Variants in MYLK observed in about 807,000 individuals in gnomAD.
MYLK encodes myosin light chain kinase, also known as myosin light chain kinase, smooth muscle.
In MYLK, 106 loss-of-function variants were observed where a neutral mutation model predicts 203.4. The ratio of observed to expected loss-of-function variants is 0.52; its 90% confidence interval spans 0.45 to 0.61. The LOEUF is 0.61. Among genes scored for constraint, MYLK ranks in the 20% least tolerant of loss-of-function variants. The probability of loss-of-function intolerance (pLI) is 0.00; values close to 1 mark genes in which losing one functional copy is unlikely to be tolerated. For missense variants in MYLK, 2,072 were observed against 2,442.3 expected, an observed-to-expected ratio of 0.85 and a Z score of 3.20; for synonymous variants, 867 against 959.5, an observed-to-expected ratio of 0.90 and a Z score of 1.78.
At chr3:123,844,822 GTTTTTTTT>G (rs146243787) in intron 2 of MYLK, among the ~76,000 whole-genome samples, 2 of 117,848 alleles carry the variant, frequency 1.7e-5, no homozygotes, top group Non-Finnish European at 3.4e-5. Flanking sequence ...CTCCTCAGTT[GTTTTTTTT>G]TTTTTTTTTT....
intron 33 of MYLK, among the ~76,000 whole-genome samples, chr3:123,615,350 T>C (rs2057418936): frequency 1.3e-5 from 2 of 151,998 alleles, no homozygotes; most frequent in Admixed American, 1.3e-4. Context: ...CCTTTTTTTT[T>C]TGAGACAGAG....
Position 123,614,177 on chromosome 3 carries a change from G to A in MYLK, c.5673C>T (p.Ala1891=), listed in dbSNP as rs769361741. The A allele has an allele frequency of 4.3e-6, 7 of 1,613,926 alleles. No individual in the cohort carries two copies. The highest frequency in any genetic ancestry group is 1.1e-5 in the South Asian group (1 of 91,076). ...CCACAATGAGCTCTGCTGTGCAGGT[G>A]GCTTCTCCAAGACTGTTGACAGCCT... ...TCKAVNSLGE[A]TCTAELIVET... The change falls in exon 34 of 34, where the codon GCC becomes GCT. Residue 1891 remains alanine (A), a synonymous_variant. Coordinates refer to ENST00000360304, the MANE Select transcript of MYLK (RefSeq NM_053025.4).
At chr3:123,793,043 G>A (rs1260344974) in intron 4 of MYLK, among the ~76,000 whole-genome samples, 4 of 152,156 alleles carry the variant, frequency 2.6e-5, no homozygotes, top group Non-Finnish European at 4.4e-5. Context: ...AAGCTTTCAG[G>A]AGCTCCCTCT....
At chr3:123,707,635 A>C in intron 16 of MYLK, 119 bp downstream of exon 16, 1 of 1,509,222 alleles carries the variant, frequency 6.6e-7, no homozygotes, top group Non-Finnish European at 9.2e-7. Flanking sequence ...CACTTGCTTT[A>C]CCTGGAAGTC....
At chr3:123,688,427 A>G (rs971382816) in intron 19 of MYLK, among the ~76,000 whole-genome samples, 1 of 151,880 alleles carries the variant, frequency 6.6e-6, no homozygotes, top group African/African-American at 2.4e-5. Context: ...CCAGCAACTC[A>G]TATCAGCTCT....
Position 123,699,899 on chromosome 3 carries a change from T to C in MYLK, c.3448+121A>G, listed in dbSNP as rs1026925263. The C allele has an allele frequency of 5.8e-6, 8 of 1,378,402 alleles. No homozygotes were observed. In the African/African-American group the frequency reaches 1.2e-4, roughly 20 times the overall value. 85.4% of individuals were successfully genotyped at this position (1,378,402 alleles called of 1,614,324 possible). A position where few individuals can be genotyped will look rare whatever the true frequency, so the allele number is the denominator to read the frequency against. The stretch of plus-strand genomic sequence containing the variant: ...CTACCCAGCAGGCCCTCCTACCTGC[T>C]AAACCAGGTTAGCAGCCTACCTATG... On this transcript the variant is annotated intron_variant, in intron 18 of 33. Coordinates refer to ENST00000360304, the MANE Select transcript of MYLK (RefSeq NM_053025.4).
intron 4 of MYLK, among the ~76,000 whole-genome samples, chr3:123,753,890 G>A (rs1244356337): frequency 6.6e-6 from 1 of 152,182 alleles, no homozygotes; most frequent in African/African-American, 2.4e-5. Context: ...AGAGAGAATG[G>A]ATACGGATGA....
At chr3:123,721,902 G>T (rs2062102277) in intron 13 of MYLK, among the ~76,000 whole-genome samples, 1 of 150,800 alleles carries the variant, frequency 6.6e-6, no homozygotes, top group Admixed American at 6.6e-5. Flanking sequence ...CTTCCTACCT[G>T]CAGGTGCAGC....
intron 31 of MYLK, chr3:123,622,652 A>G (rs1281105653): frequency 1.3e-5 from 2 of 152,264 alleles, no homozygotes; most frequent in Non-Finnish European, 2.9e-5. Flanking sequence ...TATGTCTCAC[A>G]TAGGGAGAAC....
chr3:123,778,469 C>T (rs1010336501), intron 4 of MYLK, among the ~76,000 whole-genome samples: 5 of 147,612 alleles, frequency 3.4e-5, no homozygotes, highest in Non-Finnish European at 7.4e-5. Flanking sequence ...GCCAAGATTG[C>T]GCCACTGTAC....
intron 20 of MYLK, among the ~76,000 whole-genome samples, chr3:123,677,825 A>C (rs72626353): frequency 6.8e-6 from 1 of 146,146 alleles, no homozygotes; most frequent in South Asian, 2.2e-4. Flanking sequence ...AGGGCATGAT[A>C]TCTCCAATTT....
At chr3:123,728,949 T>C (rs917145177) in intron 11 of MYLK, among the ~76,000 whole-genome samples, 18 of 152,300 alleles carry the variant, frequency 1.2e-4, no homozygotes, top group African/African-American at 4.1e-4. Flanking sequence ...TTATAGCTAC[T>C]TGAGACAGCA....
rs556849429 is a variant in MYLK at position 123,718,847 on chromosome 3, G to T, written c.1804+3281C>A. ...CAGAACGTAAGCACCCTGCAGGCAG[G>T]GCCCTCAGCTGTCCTGTCTACTGCA... On this transcript the variant is annotated intron_variant, in intron 13 of 33. Transcript: ENST00000360304. Among the ~76,000 whole-genome samples, 4 of 152,296 alleles carry T rather than the reference G, an allele frequency of 2.6e-5. No homozygotes were observed. In the South Asian group the frequency reaches 8.3e-4, roughly 32 times the overall value.
At chr3:123,743,512 T>G (rs1006190202) in intron 5 of MYLK, among the ~76,000 whole-genome samples, 1 of 152,050 alleles carries the variant, frequency 6.6e-6, no homozygotes, top group Non-Finnish European at 1.5e-5. Context: ...TGTAAAAGTA[T>G]GAAAATCTGG....
intron 2 of MYLK, among the ~76,000 whole-genome samples, chr3:123,840,626 T>A (rs2066570021): frequency 6.6e-6 from 1 of 151,778 alleles, no homozygotes; most frequent in African/African-American, 2.4e-5. Context: ...TGGAACAATA[T>A]TCTTCATAAA....
chr3:123,884,225 C>G lies in MYLK; in HGVS notation c.-205G>C, dbSNP rs1315129543. 2 of 150,298 alleles carry G rather than the reference C, an allele frequency of 1.3e-5. No homozygotes were observed. Among genetic ancestry groups the G allele is most frequent in the Non-Finnish European group, 3.0e-5 (2 of 67,460 alleles). The allele number at this position is 150,298 out of a possible 1,614,324, so 9.3% of individuals were successfully genotyped here. On this transcript the variant is annotated 5_prime_UTR_variant, in exon 1 of 34. Transcript: ENST00000360304. ...ACTCACCCGCGCGGCGAAGGCGGCC[C>G]GGGAGCCGGGGCACCGGCGCTCGGC...
At chr3:123,713,888 A>T (rs189060870) in intron 13 of MYLK, among the ~76,000 whole-genome samples, 1 of 152,282 alleles carries the variant, frequency 6.6e-6, no homozygotes, top group African/African-American at 2.4e-5. Flanking sequence ...AATGCATGGT[A>T]ATATTGCAGG....
intron 3 of MYLK, among the ~76,000 whole-genome samples, chr3:123,823,144 T>C (rs2065994104): frequency 2.0e-5 from 3 of 152,208 alleles, no homozygotes; most frequent in Non-Finnish European, 4.4e-5. Context: ...TCCCTTGGTT[T>C]CTGGAATGCC....
intron 4 of MYLK, among the ~76,000 whole-genome samples, chr3:123,775,618 T>C (rs2064044110): frequency 6.6e-6 from 1 of 152,166 alleles, no homozygotes; most frequent in African/African-American, 2.4e-5. Context: ...TTGACAAATA[T>C]ACTCTAAATA....
Sources: allele counts gnomAD v4.1 joint callset (sites outside exome capture counted in the v4.1 genomes callset), GRCh38; gene constraint gnomAD v4.1.1; transcripts MANE v1.5; gene names NCBI Gene and HGNC (gene_info 2026-07-23, HGNC 2026-07-21).